The following EMCN variants were observed in gnomAD, a reference collection of about 807,000 sequenced individuals.
EMCN encodes endomucin.
Under a neutral mutation model 38.4 loss-of-function variants are expected in EMCN, and 37 were observed. The ratio of observed to expected loss-of-function variants is 0.96; its 90% CI spans 0.74 to 1.27. The LOEUF (loss-of-function observed/expected upper bound fraction) is 1.27. Among genes scored for constraint, EMCN ranks in the 50% most tolerant of loss-of-function variants. The probability of loss-of-function intolerance (pLI) is 0.00; values close to 1 mark genes in which losing one functional copy is unlikely to be tolerated. For synonymous variants in EMCN, 95 were observed against 100.8 expected, an observed-to-expected ratio of 0.94 and a Z score of 0.35; for missense variants, 318 against 302.8, an observed-to-expected ratio of 1.05 and a Z score of -0.37.
chr4:100,432,407 A>C (rs1389744492), intron 5 of EMCN, among the ~76,000 whole-genome samples: 1 of 152,190 alleles, frequency 6.6e-6, no homozygotes, highest in Non-Finnish European at 1.5e-5. Flanking sequence ...CATGACTACT[A>C]GAATTATTAT....
chr4:100,426,748 A>T (rs1049037059), intron 5 of EMCN, among the ~76,000 whole-genome samples: 2 of 151,786 alleles, frequency 1.3e-5, no homozygotes, highest in South Asian at 2.1e-4. Flanking sequence ...TTTATTTTCC[A>T]TTTTTTTTGG....
chr4:100,513,688 C>G (rs769969316), intron 1 of EMCN, among the ~76,000 whole-genome samples: 1 of 152,100 alleles, frequency 6.6e-6, no homozygotes, highest in African/African-American at 2.4e-5. Context: ...TCAAAATAAT[C>G]GACTTTTTTC....
At chr4:100,480,362 G>T (rs1399154539) in intron 1 of EMCN, among the ~76,000 whole-genome samples, 4 of 151,894 alleles carry the variant, frequency 2.6e-5, no homozygotes, top group Non-Finnish European at 5.9e-5. Flanking sequence ...CAGATGAAAT[G>T]CTTAAATGGG....
chr4:100,403,441 C>T (rs938993583), intron 11 of EMCN, among the ~76,000 whole-genome samples: 3 of 135,294 alleles, frequency 2.2e-5, no homozygotes, highest in African/African-American at 9.4e-5. Flanking sequence ...ATCTAGTCCA[C>T]CACTGATGGG....
chr4:100,468,919 G>A (rs1028875293), intron 3 of EMCN, among the ~76,000 whole-genome samples: 4 of 151,706 alleles, frequency 2.6e-5, no homozygotes, highest in Non-Finnish European at 5.9e-5. Context: ...ATCCTGAATA[G>A]CAAAACAATC....
chr4:100,438,456 C>T (rs767009492), intron 5 of EMCN, among the ~76,000 whole-genome samples: 10 of 151,798 alleles, frequency 6.6e-5, no homozygotes, highest in East Asian at 3.9e-4. Context: ...TTTCCTTTTG[C>T]GACTTTACTG....
chr4:100,417,204 G>A, intron 8 of EMCN, 63 bp from the exon 9 acceptor site: 1 of 1,485,986 alleles, frequency 6.7e-7, no homozygotes, highest in Non-Finnish European at 9.4e-7. Flanking sequence ...ATATGAGCAA[G>A]CCCCTCTAAC....
chr4:100,474,513 A>G (rs76720350), intron 3 of EMCN, among the ~76,000 whole-genome samples: 1 of 152,324 alleles, frequency 6.6e-6, no homozygotes, highest in South Asian at 2.1e-4. Context: ...ACTTAAGAGA[A>G]ATGAAAAACG....
chr4:100,458,229 C>T (rs568054229), intron 4 of EMCN, among the ~76,000 whole-genome samples: 1 of 151,950 alleles, frequency 6.6e-6, no homozygotes, highest in Non-Finnish European at 1.5e-5. Context: ...TGGACCTGAG[C>T]TTTTCTTTGT....
chr4:100,447,450 C>A, intron 5 of EMCN, 83 bp downstream of exon 5: 2 of 960,252 alleles, frequency 2.1e-6, no homozygotes, highest in Non-Finnish European at 3.3e-6. Flanking sequence ...TCCCTGCCCC[C>A]AAACTGATTG....
intron 11 of EMCN, among the ~76,000 whole-genome samples, chr4:100,405,142 G>GA (rs1370476114): frequency 6.6e-6 from 1 of 151,960 alleles, no homozygotes; most frequent in Non-Finnish European, 1.5e-5. Context: ...TCTAGGTATA[G>GA]AAACATATAA....
chr4:100,402,772 G>A (rs78041723), intron 11 of EMCN, among the ~76,000 whole-genome samples: 4,048 of 152,110 alleles, frequency 0.027, 194 homozygotes, highest in African/African-American at 0.091. Context: ...AAGCTGGTTC[G>A]AAGATCAACA....
At chr4:100,462,910 G>A (rs1015033052) in intron 4 of EMCN, among the ~76,000 whole-genome samples, 2 of 152,106 alleles carry the variant, frequency 1.3e-5, no homozygotes, top group Admixed American at 6.6e-5. Flanking sequence ...CTAGACAAGA[G>A]TAGGTCTTGG....
intron 5 of EMCN, among the ~76,000 whole-genome samples, chr4:100,436,592 C>G (rs1225932573): frequency 6.6e-6 from 1 of 152,046 alleles, no homozygotes; most frequent in African/African-American, 2.4e-5. Context: ...TTCACAATAG[C>G]AAATATATGG....
intron 11 of EMCN, among the ~76,000 whole-genome samples, chr4:100,400,016 T>G (rs1327624715): frequency 6.6e-6 from 1 of 152,170 alleles, no homozygotes; most frequent in African/African-American, 2.4e-5. Context: ...TACTTCATTC[T>G]AGCCTCATGC....
intron 11 of EMCN, among the ~76,000 whole-genome samples, chr4:100,409,481 TC>T (rs1726489406): frequency 6.6e-6 from 1 of 152,216 alleles, no homozygotes; most frequent in Admixed American, 6.5e-5. Context: ...TTGAGCTTAC[TC>T]CTGGTCATGA....
At chr4:100,410,524 T>C (rs2110209586) in intron 10 of EMCN, among the ~76,000 whole-genome samples, 169 bp from the exon 11 acceptor site, 1 of 152,262 alleles carries the variant, frequency 6.6e-6, no homozygotes, top group South Asian at 2.1e-4. Context: ...GTCACCAAAA[T>C]ATATGAACTT....
chr4:100,451,444 T>C (rs765611309), intron 4 of EMCN, among the ~76,000 whole-genome samples: 1 of 151,814 alleles, frequency 6.6e-6, no homozygotes, highest in African/African-American at 2.4e-5. Flanking sequence ...ATATACACAT[T>C]CAAGTATAAA....
At chr4:100,501,050 T>C (rs191918659) in intron 1 of EMCN, among the ~76,000 whole-genome samples, 1 of 152,252 alleles carries the variant, frequency 6.6e-6, no homozygotes, top group Admixed American at 6.5e-5. Context: ...CATCTTCTGA[T>C]AAATAGAATA....
Sources: gnomAD v4.1 joint callset for allele counts (sites outside exome capture counted in the v4.1 genomes callset) on GRCh38, gnomAD v4.1.1 for gene constraint, MANE v1.5 for transcripts, NCBI Gene and HGNC (gene_info 2026-07-23, HGNC 2026-07-21) for gene names.